Variants in CSMD1 observed in about 807,000 individuals in gnomAD.
CSMD1 encodes CUB and sushi domain-containing protein 1.
CSMD1 carries 213 observed loss-of-function variants against 417.5 expected under a neutral mutation model. The observed-to-expected ratio is 0.51, with a 90% CI of 0.46 to 0.57. The LOEUF (loss-of-function observed/expected upper bound fraction) is 0.57. CSMD1 is among the 20% of genes least tolerant of loss of function. CSMD1 has a pLI of 0.00. For missense variants in CSMD1, 6,923 were observed against 4,529.7 expected, an observed-to-expected ratio of 1.53 and a Z score of -15.17; for synonymous variants, 2,862 against 1,736.8, an observed-to-expected ratio of 1.65 and a Z score of -16.11.
At chr8:3,431,584 T>C (rs1295869559) in intron 12 of CSMD1, among the ~76,000 whole-genome samples, 2 of 152,154 alleles carry the variant, frequency 1.3e-5, no homozygotes, top group Non-Finnish European at 2.9e-5. Context: ...TTACTTGAAT[T>C]TTCTTCTATC....
At position 3,251,672 on chromosome 8, in the gene CSMD1, A is replaced by G. The variant is rs998986667; in HGVS notation, c.4154-21441T>C. Reference sequence around the variant, plus strand: ...CCTTGGGCAGCATGGGCATTTTCACAATATTGATTCTTCCTACCCATGAGC... The same window carrying G: ...CCTTGGGCAGCATGGGCATTTTCACGATATTGATTCTTCCTACCCATGAGC... On this transcript the variant is annotated intron_variant, in intron 26 of 69. Transcript: ENST00000635120. Among the ~76,000 whole-genome samples, 37 of 152,238 alleles carry G rather than the reference A, an allele frequency of 2.4e-4. No individual in the cohort carries two copies. In the South Asian group the frequency reaches 3.1e-3, roughly 13 times the overall value.
intron 34 of CSMD1, among the ~76,000 whole-genome samples, chr8:3,189,709 C>T (rs1056586556): frequency 1.0e-4 from 13 of 130,238 alleles, no homozygotes; most frequent in African/African-American, 3.3e-4. Context: ...ATGCTTTATC[C>T]TTGTTAAGAT....
At chr8:4,760,067 G>A (rs778380872) in intron 1 of CSMD1, among the ~76,000 whole-genome samples, 1 of 152,096 alleles carries the variant, frequency 6.6e-6, no homozygotes, top group Non-Finnish European at 1.5e-5. Context: ...AACCTCTCCA[G>A]CACCTGTTGT....
At chr8:4,982,240 G>T (rs987087385) in intron 1 of CSMD1, among the ~76,000 whole-genome samples, 6 of 152,218 alleles carry the variant, frequency 3.9e-5, no homozygotes, top group African/African-American at 1.4e-4. Flanking sequence ...TGAAGCTGTT[G>T]CGTTTGCAAT....
intron 2 of CSMD1, among the ~76,000 whole-genome samples, chr8:4,578,786 C>A (rs1475102225): frequency 1.4e-5 from 2 of 146,414 alleles, no homozygotes; most frequent in Non-Finnish European, 3.0e-5. Flanking sequence ...TGCACTCTAG[C>A]CTGGGTGACA....
intron 3 of CSMD1, among the ~76,000 whole-genome samples, chr8:4,394,510 G>C (rs937833556): frequency 5.3e-5 from 8 of 152,154 alleles, no homozygotes. Flanking sequence ...GTGAATGAGT[G>C]AGATGAGGCG....
At chr8:3,013,145 A>G (rs1308331190) in intron 52 of CSMD1, among the ~76,000 whole-genome samples, 2 of 152,214 alleles carry the variant, frequency 1.3e-5, no homozygotes, top group Non-Finnish European at 2.9e-5. Flanking sequence ...GTGAGAACAG[A>G]AAAATACACT....
At position 3,840,315 on chromosome 8, in the gene CSMD1, G is replaced by A. The variant is rs191770399; in HGVS notation, c.819-86273C>T. On this transcript the variant is annotated intron_variant, in intron 5 of 69. Transcript: ENST00000635120. ...ACGCAGGAGGCTGAGGTGCCAACTAGCATCTCGCTGTCCTGTTAACAGAAA... is the reference window on the plus strand; with the variant it reads ...ACGCAGGAGGCTGAGGTGCCAACTAACATCTCGCTGTCCTGTTAACAGAAA... Among the ~76,000 whole-genome samples, 61 of 152,260 alleles carry A rather than the reference G, an allele frequency of 4.0e-4. No homozygotes were observed. The East Asian group carries it at 7.3e-3, about 18-fold the overall frequency.
intron 2 of CSMD1, among the ~76,000 whole-genome samples, chr8:4,621,250 A>T (rs535930119): frequency 6.6e-6 from 1 of 152,232 alleles, no homozygotes; most frequent in African/African-American, 2.4e-5. Flanking sequence ...TGTACATCTT[A>T]TATACATAAC....
chr8:4,687,401 G>A (rs927219500), intron 1 of CSMD1, among the ~76,000 whole-genome samples: 58 of 152,202 alleles, frequency 3.8e-4, no homozygotes, highest in African/African-American at 1.3e-3. Flanking sequence ...ATAAAAATAC[G>A]TACTAGAGTG....
chr8:4,956,317 TAATA>T (rs1312081431), intron 1 of CSMD1, among the ~76,000 whole-genome samples: 1 of 151,724 alleles, frequency 6.6e-6, no homozygotes, highest in Non-Finnish European at 1.5e-5. Flanking sequence ...AGCATATGAA[TAATA>T]AAAATAATTA....
intron 3 of CSMD1, among the ~76,000 whole-genome samples, chr8:4,067,857 T>A (rs1799333195): frequency 6.6e-6 from 1 of 152,012 alleles, no homozygotes; most frequent in East Asian, 1.9e-4. Flanking sequence ...GGTGGGCGGA[T>A]CATGAGGTCA....
intron 5 of CSMD1, among the ~76,000 whole-genome samples, chr8:3,957,616 C>G (rs912138922): frequency 1.3e-5 from 2 of 151,748 alleles, no homozygotes; most frequent in African/African-American, 4.8e-5. Flanking sequence ...CTCAGGAGTT[C>G]GGGGTTGCAG....
chr8:3,695,317 C>T (rs1461004705), intron 7 of CSMD1, among the ~76,000 whole-genome samples: 1 of 151,390 alleles, frequency 6.6e-6, no homozygotes, highest in African/African-American at 2.4e-5. Context: ...TGCCCTTTAC[C>T]AAAAAACACT....
chr8:4,962,501 G>T (rs1045344747), intron 1 of CSMD1, among the ~76,000 whole-genome samples: 1 of 152,104 alleles, frequency 6.6e-6, no homozygotes, highest in Non-Finnish European at 1.5e-5. Flanking sequence ...ATGTCCCATC[G>T]TGCCCAGCCT....
intron 3 of CSMD1, among the ~76,000 whole-genome samples, chr8:4,230,577 A>C (rs1784213871): frequency 6.6e-6 from 1 of 152,230 alleles, no homozygotes; most frequent in African/African-American, 2.4e-5. Flanking sequence ...ATCATAAAAC[A>C]CATCCTTAAT....
intron 2 of CSMD1, among the ~76,000 whole-genome samples, chr8:4,561,393 A>C (rs145293155): frequency 1.7e-3 from 258 of 152,260 alleles, no homozygotes; most frequent in East Asian, 5.4e-3. Context: ...CAAAACAAAA[A>C]AAATTCTGGC....
At chr8:4,201,412 C>G (rs187449039) in intron 3 of CSMD1, among the ~76,000 whole-genome samples, 94 of 151,906 alleles carry the variant, frequency 6.2e-4, no homozygotes, top group Non-Finnish European at 1.2e-3. Context: ...GCGCTGGGCG[C>G]CTGTAGTCCC....
At chr8:3,964,480 C>A (rs1384360499) in intron 5 of CSMD1, among the ~76,000 whole-genome samples, 1 of 152,132 alleles carries the variant, frequency 6.6e-6, no homozygotes, top group Admixed American at 6.5e-5. Context: ...CATTTTGCCG[C>A]ATTTGTATTC....
Sources: allele counts gnomAD v4.1 joint callset (sites outside exome capture counted in the v4.1 genomes callset), GRCh38; gene constraint gnomAD v4.1.1; transcripts MANE v1.5; gene names NCBI Gene and HGNC (gene_info 2026-07-23, HGNC 2026-07-21).